The following TENM2 variants were observed in gnomAD, a reference collection of about 807,000 sequenced individuals.
The protein encoded by TENM2 is teneurin transmembrane protein 2.
Under a neutral mutation model 245.2 loss-of-function variants are expected in TENM2, and 52 were observed. The observed-to-expected ratio is 0.21, with a 90% confidence interval of 0.17 to 0.27. TENM2 has a LOEUF of 0.27. Ranked by LOEUF, TENM2 falls within the 10% of genes least tolerant of loss-of-function variation. The probability of loss-of-function intolerance (pLI) is 1.00; values close to 1 mark genes in which losing one functional copy is unlikely to be tolerated. For missense variants in TENM2, 3,046 were observed against 3,666.8 expected, an observed-to-expected ratio of 0.83 and a Z score of 4.37; for synonymous variants, 1,363 against 1,438.9, an observed-to-expected ratio of 0.95 and a Z score of 1.19.
At chr5:168,019,904 T>G (rs1785992178) in intron 5 of TENM2, among the ~76,000 whole-genome samples, 1 of 152,236 alleles carries the variant, frequency 6.6e-6, no homozygotes, top group Non-Finnish European at 1.5e-5. Context: ...TCCATTGAAA[T>G]GACATGTTTC....
At chr5:167,706,904 A>C (rs1758566119) in intron 2 of TENM2, among the ~76,000 whole-genome samples, 1 of 150,586 alleles carries the variant, frequency 6.6e-6, no homozygotes, top group South Asian at 2.1e-4. Context: ...AGTCCCAGCT[A>C]CTTGGGAGGC....
intron 2 of TENM2, among the ~76,000 whole-genome samples, chr5:167,619,242 T>C (rs1777998882): frequency 6.6e-6 from 1 of 152,176 alleles, no homozygotes; most frequent in Admixed American, 6.6e-5. Flanking sequence ...TCAGTAACAA[T>C]GTGAAAAGAC....
At chr5:167,049,465 T>G in the TENM2 span, among the ~76,000 whole-genome samples, 1 of 152,228 alleles carries the variant, frequency 6.6e-6, no homozygotes, top group Non-Finnish European at 1.5e-5. Flanking sequence ...ATCATATGAT[T>G]TATTAACTGG....
At chr5:167,603,119 T>C (rs1294234868) in intron 2 of TENM2, among the ~76,000 whole-genome samples, 1 of 152,096 alleles carries the variant, frequency 6.6e-6, no homozygotes, top group African/African-American at 2.4e-5. Flanking sequence ...TGAGAGAAGG[T>C]TATAGAAACT....
chr5:168,197,352 A>T (rs766944472), intron 15 of TENM2, among the ~76,000 whole-genome samples: 1 of 152,172 alleles, frequency 6.6e-6, no homozygotes, highest in Non-Finnish European at 1.5e-5. Context: ...AAGTACTCTT[A>T]GCTGCTGGGG....
chr5:167,357,287 A>G (rs972060003), intron 1 of TENM2, among the ~76,000 whole-genome samples: 1 of 144,714 alleles, frequency 6.9e-6, no homozygotes, highest in African/African-American at 2.6e-5. Flanking sequence ...CCCTTATGCA[A>G]GAGCCATCCT....
At chr5:167,992,324 AT>A (rs1479184841) in intron 4 of TENM2, among the ~76,000 whole-genome samples, 5 of 152,244 alleles carry the variant, frequency 3.3e-5, no homozygotes, top group Admixed American at 2.6e-4. Context: ...ATTTTAAAAA[AT>A]AATGAAATGA....
intron 2 of TENM2, among the ~76,000 whole-genome samples, chr5:167,474,972 C>T (rs943662369): frequency 6.6e-6 from 1 of 152,058 alleles, no homozygotes; most frequent in Non-Finnish European, 1.5e-5. Context: ...AGTTTGCAAA[C>T]CTAGTATATT....
intron 2 of TENM2, among the ~76,000 whole-genome samples, chr5:167,391,233 C>G (rs977455112): frequency 2.6e-5 from 4 of 151,934 alleles, no homozygotes; most frequent in African/African-American, 9.7e-5. Context: ...ATGGTGTAGC[C>G]TTCACCAAAG....
At chr5:167,970,944 C>G (rs994888) in intron 4 of TENM2, among the ~76,000 whole-genome samples, 107,506 of 151,736 alleles carry the variant, frequency 0.71, 38,903 homozygotes, top group East Asian at 0.99. Flanking sequence ...AGGTAGAAGG[C>G]GCATATTCAG....
chr5:167,877,542 A>G (rs1204588251), intron 3 of TENM2, among the ~76,000 whole-genome samples: 2 of 152,210 alleles, frequency 1.3e-5, no homozygotes, highest in Admixed American at 1.3e-4. Context: ...TCTTAAAATG[A>G]CATTACATCA....
chr5:167,229,260 TG>T, the TENM2 span, among the ~76,000 whole-genome samples: 1 of 152,214 alleles, frequency 6.6e-6, no homozygotes, highest in African/African-American at 2.4e-5. Flanking sequence ...CAGGCCCCAG[TG>T]GTGGCAGTTG....
At chr5:168,154,166 A>AAAAAAAAAAAAAAAAAAC (rs1756933756) in intron 12 of TENM2, among the ~76,000 whole-genome samples, 1 of 149,714 alleles carries the variant, frequency 6.7e-6, no homozygotes, top group East Asian at 2.0e-4. Flanking sequence ...AAAAAAAAAA[A>AAAAAAAAAAAAAAAAAAC]CAGTAAGAGC....
the TENM2 span, among the ~76,000 whole-genome samples, chr5:167,166,850 C>G: frequency 6.6e-6 from 1 of 152,122 alleles, no homozygotes; most frequent in Admixed American, 6.6e-5. Flanking sequence ...CACAGGGAGT[C>G]AGAGAATAGA....
intron 3 of TENM2, among the ~76,000 whole-genome samples, chr5:167,885,918 G>A (rs1198190871): frequency 1.3e-5 from 2 of 152,134 alleles, no homozygotes; most frequent in Non-Finnish European, 2.9e-5. Context: ...CCTGACCTCA[G>A]GTGATCCACT....
intron 3 of TENM2, among the ~76,000 whole-genome samples, chr5:167,894,977 GGAAGGAA>G (rs1775080939): frequency 3.7e-5 from 5 of 134,792 alleles, no homozygotes; most frequent in Admixed American, 1.5e-4. Context: ...AAGGAAGGAA[GGAAGGAA>G]GGAAGGAGGG....
chr5:167,850,059 C>A (rs1474658625), intron 2 of TENM2, among the ~76,000 whole-genome samples: 1 of 152,184 alleles, frequency 6.6e-6, no homozygotes, highest in Non-Finnish European at 1.5e-5. Context: ...AAAGTCCCAA[C>A]ACTCTAATCA....
intron 1 of TENM2, among the ~76,000 whole-genome samples, chr5:167,353,802 C>T (rs370281730): frequency 6.6e-6 from 1 of 152,048 alleles, no homozygotes; most frequent in South Asian, 2.1e-4. Context: ...CCACCGCGCC[C>T]GGCCGTATAT....
intron 2 of TENM2, among the ~76,000 whole-genome samples, chr5:167,403,063 G>C (rs867634459): frequency 6.6e-6 from 1 of 152,066 alleles, no homozygotes; most frequent in Non-Finnish European, 1.5e-5. Context: ...GAATGGATTT[G>C]CTTATGGTTA....
Sources: allele counts gnomAD v4.1 joint callset (sites outside exome capture counted in the v4.1 genomes callset), GRCh38; gene constraint gnomAD v4.1.1; transcripts MANE v1.5; gene names NCBI Gene and HGNC (gene_info 2026-07-23, HGNC 2026-07-21).